The following DYM variants were observed in gnomAD, a reference collection of about 807,000 sequenced individuals.
DYM encodes the protein dyggve-Melchior-Clausen syndrome protein.
In DYM, 78 loss-of-function variants were observed where a neutral mutation model predicts 93.1. The ratio of observed to expected loss-of-function variants is 0.84; its 90% CI spans 0.70 to 1.01. The LOEUF is 1.01. Ranked by LOEUF, DYM falls within the 50% of genes least tolerant of loss-of-function variation. DYM has a pLI of 0.00. For missense variants in DYM, 789 were observed against 845.0 expected, an observed-to-expected ratio of 0.93 and a Z score of 0.82; for synonymous variants, 321 against 319.7, an observed-to-expected ratio of 1.00 and a Z score of -0.04.
At chr18:49,280,285 T>C (rs887739114) in intron 10 of DYM, among the ~76,000 whole-genome samples, 38 of 152,214 alleles carry the variant, frequency 2.5e-4, no homozygotes, top group African/African-American at 8.7e-4. Flanking sequence ...ATGGATAGTG[T>C]AATTTAAGTG....
intron 10 of DYM, among the ~76,000 whole-genome samples, chr18:49,274,969 G>A (rs1025581536): frequency 7.2e-5 from 11 of 151,894 alleles, no homozygotes; most frequent in African/African-American, 2.7e-4. Context: ...AAGCACAAAC[G>A]TTTTTATTTT....
At chr18:49,054,060 C>A (rs1196955107) in intron 17 of DYM, among the ~76,000 whole-genome samples, 1 of 152,158 alleles carries the variant, frequency 6.6e-6, no homozygotes, top group Non-Finnish European at 1.5e-5. Flanking sequence ...AATGAATCAT[C>A]AGTTCAGCTA....
In DYM at chr18:49,393,080, G is replaced by A. The variant is rs1158365773; in HGVS notation, c.141-1435C>T. ...GGAGGGGAGGAGGAGGAGGAGGAAA[G>A]AAGGGAGGGAGGGAAGGAAGGAAGG... On this transcript the variant is annotated intron_variant, in intron 2 of 17. Transcript: ENST00000675505. Among the ~76,000 whole-genome samples the A allele has an allele frequency of 1.8e-5, 2 of 108,224 alleles. 1 individual carries two copies. The highest frequency in any genetic ancestry group is 3.9e-5 in the Non-Finnish European group (2 of 51,748). 71.0% of individuals were successfully genotyped at this position (108,224 alleles called of 152,430 possible).
rs142418007 is a variant in DYM, at chr18:49,054,693, C to T, written c.2026-10489G>A. ...GCATATCTAGGAACACCATGGCTGGCGACACAGAGGGACTTGGGCAGGGGG... is the reference window on the plus strand; with the variant it reads ...GCATATCTAGGAACACCATGGCTGGTGACACAGAGGGACTTGGGCAGGGGG... On this transcript the variant is annotated intron_variant, in intron 17 of 17. Coordinates refer to ENST00000675505, the MANE Select transcript of DYM (RefSeq NM_001353214.3). Among the ~76,000 whole-genome samples the T allele has an allele frequency of 9.9e-5, 15 of 152,228 alleles. No individual in the cohort carries two copies. In the East Asian group the frequency reaches 1.9e-3, roughly 20 times the overall value.
rs570170939 is a variant in DYM, at chr18:49,230,379, G to A, written c.1461-20664C>T. Among the ~76,000 whole-genome samples the A allele has an allele frequency of 3.9e-5, 6 of 152,144 alleles. No homozygotes were observed. The South Asian group carries it at 1.2e-3, about 32-fold the overall frequency. On this transcript the variant is annotated intron_variant, in intron 13 of 17. Transcript: ENST00000675505. ...TGTCTTTAAAAACCTTTGATATCAA[G>A]CCCCTTATAATCTCTCTACACTTTT...
At chr18:49,156,601 G>A (rs927478149) in intron 15 of DYM, among the ~76,000 whole-genome samples, 1 of 151,878 alleles carries the variant, frequency 6.6e-6, no homozygotes, top group Non-Finnish European at 1.5e-5. Context: ...GCGTGGTGGT[G>A]CATGCCTATA....
intron 13 of DYM, among the ~76,000 whole-genome samples, chr18:49,226,879 A>G (rs2093552251): frequency 6.6e-6 from 1 of 152,178 alleles, no homozygotes; most frequent in Non-Finnish European, 1.5e-5. Context: ...CATTACAAAA[A>G]TAGCCATCAA....
chr18:49,038,268 T>A lies in DYM; in HGVS notation c.*5787A>T, dbSNP rs1343249977. On this transcript the variant is annotated 3_prime_UTR_variant, in exon 18 of 18. Coordinates refer to ENST00000675505, the MANE Select transcript of DYM (RefSeq NM_001353214.3). ...CTTTTATAACTTGATTTTTGTATGC[T>A]AGTTTTTCTACCAATTAACAAAATA... 1.3e-5 allele frequency among the ~76,000 whole-genome samples: 2 copies of A among 152,258 alleles called. No individual in the cohort carries two copies. Among genetic ancestry groups the A allele is most frequent in the African/African-American group, 4.8e-5 (2 of 41,466 alleles).
intron 16 of DYM, among the ~76,000 whole-genome samples, chr18:49,102,028 C>G (rs2080200193): frequency 6.6e-6 from 1 of 152,186 alleles, no homozygotes. Flanking sequence ...GAGAACTTAC[C>G]TGGTGTCGGA....
rs181330852 is a variant in DYM at position 49,432,144 on chromosome 18, G to A, written c.-53-1697C>T. Among the ~76,000 whole-genome samples, 114 of 152,048 alleles carry A rather than the reference G, an allele frequency of 7.5e-4. 3 individuals are homozygous for A. In the East Asian group the frequency reaches 0.021, roughly 27 times the overall value. On this transcript the variant is annotated intron_variant, in intron 1 of 17. Coordinates refer to ENST00000675505, the MANE Select transcript of DYM (RefSeq NM_001353214.3). ...TCCCAGCACTTTGGGAGGCCAAGGC[G>A]GGCAGATCACCTGAGGCGATCTACT...
intron 11 of DYM, 62 bp from the exon 12 acceptor site, chr18:49,258,555 C>T: frequency 9.6e-7 from 1 of 1,046,704 alleles, no homozygotes; most frequent in Non-Finnish European, 1.5e-6. Flanking sequence ...AGAATTACTC[C>T]ATGTCCACAA....
At chr18:49,441,307 A>AT (rs2081577991) in intron 1 of DYM, among the ~76,000 whole-genome samples, 3 of 32,578 alleles carry the variant, frequency 9.2e-5, no homozygotes, top group East Asian at 1.4e-3. Flanking sequence ...AATTATATAT[A>AT]ATTAATATAT....
chr18:49,150,899 A>G (rs1600164016), intron 15 of DYM, among the ~76,000 whole-genome samples: 1 of 152,194 alleles, frequency 6.6e-6, no homozygotes, highest in South Asian at 2.1e-4. Flanking sequence ...AAGTAATTCC[A>G]TTTCTGTAAT....
chr18:49,151,438 T>C (rs1402118767), intron 15 of DYM, among the ~76,000 whole-genome samples: 2 of 152,200 alleles, frequency 1.3e-5, no homozygotes. Context: ...GGGGTCTTAT[T>C]TAGAGAAACT....
intron 6 of DYM, among the ~76,000 whole-genome samples, chr18:49,345,543 C>T (rs985761716): frequency 7.0e-4 from 106 of 152,128 alleles, no homozygotes; most frequent in African/African-American, 2.4e-3. Flanking sequence ...TAGGAATACA[C>T]CTAGTACCAC....
In DYM at chr18:49,145,965, T is replaced by G. The variant is rs552067056; in HGVS notation, c.1728+17720A>C. ...ATAGTTCCCTTTACATGAATAACTT[T>G]ATATAACTCCCTAGTCCCCTTAGTT... On this transcript the variant is annotated intron_variant, in intron 15 of 17. Transcript: ENST00000675505. 1.9e-4 allele frequency among the ~76,000 whole-genome samples: 29 copies of G among 152,296 alleles called. No individual in the cohort carries two copies. The South Asian group carries it at 4.1e-3, about 22-fold the overall frequency.
intron 13 of DYM, among the ~76,000 whole-genome samples, chr18:49,225,253 T>C (rs931800445): frequency 1.3e-5 from 2 of 152,136 alleles, no homozygotes; most frequent in Admixed American, 1.3e-4. Context: ...GTATAAAACT[T>C]ACATATCCAA....
intron 1 of DYM, among the ~76,000 whole-genome samples, chr18:49,446,141 G>A (rs992450342): frequency 3.3e-5 from 5 of 152,102 alleles, no homozygotes; most frequent in African/African-American, 7.2e-5. Context: ...AATTTTTAGG[G>A]CCAGGTGCAG....
intron 14 of DYM, among the ~76,000 whole-genome samples, chr18:49,203,359 A>G (rs1312756592): frequency 9.1e-5 from 11 of 121,526 alleles, no homozygotes; most frequent in South Asian, 2.9e-4. Context: ...GGTGTGCCCA[A>G]CAGCTCATTG....
Sources: allele counts gnomAD v4.1 joint callset (sites outside exome capture counted in the v4.1 genomes callset), GRCh38; gene constraint gnomAD v4.1.1; transcripts MANE v1.5; gene names NCBI Gene and HGNC (gene_info 2026-07-23, HGNC 2026-07-21).